GPC3: variants seen among roughly 807,000 people sequenced by gnomAD.
GPC3 encodes glypican 3.
GPC3 carries 3 observed loss-of-function variants against 34.4 expected under a neutral mutation model. That is an observed-to-expected ratio of 0.09 (90% CI 0.04 to 0.23). GPC3 has a LOEUF of 0.23. Ranked by LOEUF, GPC3 falls within the 10% of genes least tolerant of loss-of-function variation. The pLI is 1.00. For synonymous variants in GPC3, 177 were observed against 174.0 expected, an observed-to-expected ratio of 1.02 and a Z score of -0.13; for missense variants, 351 against 445.6, an observed-to-expected ratio of 0.79 and a Z score of 1.91.
intron 1 of GPC3, among the ~76,000 whole-genome samples, chrX:133,969,632 TA>T (rs918140786): frequency 9.1e-6 from 1 of 109,864 alleles, no homozygotes; most frequent in Non-Finnish European, 1.9e-5. Flanking sequence ...ATTTCTCCTT[TA>T]AAAAAAAACA....
At chrX:133,716,140 A>G (rs2071311277) in intron 3 of GPC3, among the ~76,000 whole-genome samples, 1 of 112,549 alleles carries the variant, frequency 8.9e-6, no homozygotes, top group Non-Finnish European at 1.9e-5. Context: ...ACAAAGAAAT[A>G]AGAACTACCA....
chrX:133,567,986 A>C (rs1395864098), intron 7 of GPC3, among the ~76,000 whole-genome samples: 1 of 112,403 alleles, frequency 8.9e-6, no homozygotes, highest in Non-Finnish European at 1.9e-5. Flanking sequence ...AACTAGCTGA[A>C]CTTGGCTGAA....
At chrX:133,538,183 C>T (rs1457930030) in intron 7 of GPC3, among the ~76,000 whole-genome samples, 1 of 112,037 alleles carries the variant, frequency 8.9e-6, no homozygotes, top group Non-Finnish European at 1.9e-5. Context: ...GAACAAAGAG[C>T]AATGCTCTAC....
At chrX:133,759,479 T>G (rs1441390889) in intron 2 of GPC3, among the ~76,000 whole-genome samples, 1 of 111,931 alleles carries the variant, frequency 8.9e-6, no homozygotes, top group Non-Finnish European at 1.9e-5. Context: ...AATCAACTGA[T>G]CTTTGACAAA....
intron 7 of GPC3, among the ~76,000 whole-genome samples, chrX:133,542,439 T>C (rs150414443): frequency 9.0e-6 from 1 of 111,132 alleles, no homozygotes; most frequent in East Asian, 2.9e-4. Context: ...AGGAAGCAAA[T>C]GCTCACCCTC....
At chrX:133,670,227 C>A (rs1451288357) in intron 5 of GPC3, among the ~76,000 whole-genome samples, 2 of 111,674 alleles carry the variant, frequency 1.8e-5, no homozygotes, top group African/African-American at 3.3e-5. Flanking sequence ...GAAGCACTCT[C>A]AGCGATCATC....
At chrX:133,730,120 A>G (rs2071448352) in intron 3 of GPC3, among the ~76,000 whole-genome samples, 1 of 112,101 alleles carries the variant, frequency 8.9e-6, no homozygotes, top group African/African-American at 3.2e-5. Context: ...AATTGTACTA[A>G]TGACTGTGGC....
chrX:133,950,664 G>A (rs2076388484), intron 2 of GPC3, among the ~76,000 whole-genome samples: 1 of 111,789 alleles, frequency 8.9e-6, no homozygotes, highest in African/African-American at 3.3e-5. Flanking sequence ...CAATTCAATG[G>A]AATAATAAAC....
At chrX:133,810,598 C>T (rs2075659069) in intron 2 of GPC3, among the ~76,000 whole-genome samples, 3 of 111,212 alleles carry the variant, frequency 2.7e-5, no homozygotes, top group East Asian at 2.8e-4. Context: ...AAGTGAGGCA[C>T]GGGAAGTAGT....
chrX:133,763,968 C>T (rs2071823774), intron 2 of GPC3, among the ~76,000 whole-genome samples: 1 of 111,919 alleles, frequency 8.9e-6, no homozygotes, highest in African/African-American at 3.2e-5. Context: ...GACACATACA[C>T]TCACATGTTC....
chrX:133,981,464 C>G (rs754659493), intron 1 of GPC3, among the ~76,000 whole-genome samples: 5 of 112,373 alleles, frequency 4.4e-5, no homozygotes, highest in African/African-American at 9.7e-5. Flanking sequence ...AGCTTGGTAT[C>G]AGTATCAGGA....
At chrX:133,719,226 C>T (rs767563052) in intron 3 of GPC3, among the ~76,000 whole-genome samples, 2 of 111,539 alleles carry the variant, frequency 1.8e-5, no homozygotes, top group Non-Finnish European at 3.8e-5. Context: ...AGTTTGAAAT[C>T]ATACATTTTC....
intron 2 of GPC3, among the ~76,000 whole-genome samples, chrX:133,838,923 CA>C (rs2075811259): frequency 9.0e-6 from 1 of 111,587 alleles, no homozygotes; most frequent in African/African-American, 3.3e-5. Flanking sequence ...GTTAAGGGAG[CA>C]GACTTCAACA....
intron 2 of GPC3, among the ~76,000 whole-genome samples, chrX:133,846,677 A>T (rs973983883): frequency 5.4e-5 from 6 of 112,003 alleles, no homozygotes; most frequent in Non-Finnish European, 7.5e-5. Context: ...CCTAAAAAAA[A>T]GTAGTTCCTT....
At chrX:133,708,101 A>C (rs1452439873) in intron 3 of GPC3, among the ~76,000 whole-genome samples, 1 of 111,406 alleles carries the variant, frequency 9.0e-6, no homozygotes, top group Non-Finnish European at 1.9e-5. Context: ...TCTTTGAGGA[A>C]CTCTATGTTG....
At chrX:133,621,083 T>C (rs2070227448) in intron 6 of GPC3, among the ~76,000 whole-genome samples, 1 of 110,164 alleles carries the variant, frequency 9.1e-6, no homozygotes, top group Admixed American at 9.7e-5. Flanking sequence ...TTTGACTCTT[T>C]TCCTCAACAA....
At chrX:133,874,418 C>T (rs894520816) in intron 2 of GPC3, among the ~76,000 whole-genome samples, 1 of 111,568 alleles carries the variant, frequency 9.0e-6, no homozygotes, top group Non-Finnish European at 1.9e-5. Context: ...ATTTTATGCA[C>T]ATATATATAT....
intron 3 of GPC3, among the ~76,000 whole-genome samples, chrX:133,724,331 ATAAT>A (rs2071392161): frequency 8.9e-6 from 1 of 112,329 alleles, no homozygotes; most frequent in South Asian, 3.8e-4. Flanking sequence ...GATGGAAATA[ATAAT>A]TAACAGAAAG....
intron 2 of GPC3, among the ~76,000 whole-genome samples, chrX:133,837,860 T>G (rs1847956339): frequency 8.9e-6 from 1 of 112,474 alleles, no homozygotes; most frequent in South Asian, 3.7e-4. Context: ...TGTGGTACCT[T>G]TTTCATTTTT....
Sources: allele counts gnomAD v4.1 joint callset (sites outside exome capture counted in the v4.1 genomes callset), GRCh38; gene constraint gnomAD v4.1.1; transcripts MANE v1.5; gene names NCBI Gene and HGNC (gene_info 2026-07-23, HGNC 2026-07-21).